The following RELA variants were observed in gnomAD, a reference collection of about 807,000 sequenced individuals.
RELA encodes RELA proto-oncogene, NF-kB subunit, also known as transcription factor p65.
A neutral mutation model predicts 56.7 loss-of-function variants in RELA; 14 were observed. The ratio of observed to expected loss-of-function variants is 0.25; its 90% CI spans 0.16 to 0.39. The LOEUF is 0.39. RELA is among the 10% of genes least tolerant of loss of function. The pLI, the probability that RELA is intolerant of heterozygous loss-of-function variation, is 1.00. For synonymous variants in RELA, 315 were observed against 289.7 expected (o/e 1.09, Z -0.89); for missense variants, 559 against 736.4 (o/e 0.76, Z 2.79).
intron 4 of RELA, chr11:65,660,476 G>C (rs990220377): frequency 1.9e-6 from 1 of 512,822 alleles, no homozygotes; most frequent in Admixed American, 3.5e-5. Flanking sequence ...TCTAAACACA[G>C]GACACTCATT....
chr11:65,658,571 C>A lies in RELA; in HGVS notation c.665-72G>T. ...ATGGTCTCCCCCTCAACTTCTGATG[C>A]TTGTCTTCTGATACATCACCCTTCG... On this transcript the variant is annotated intron_variant, in intron 7 of 10. Transcript: ENST00000406246. This position sits in a 1 kb window ranked among gnomAD's most constrained non-coding sequence, Gnocchi z 4.5. 1.4e-6 allele frequency: 2 copies of A among 1,432,490 alleles called. No individual in the cohort carries two copies. The highest frequency in any genetic ancestry group is 1.9e-6 in the Non-Finnish European group (2 of 1,032,228). The allele number at this position is 1,432,490 out of a possible 1,614,324, so 88.7% of individuals were successfully genotyped here.
intron 5 of RELA, 86 bp downstream of exon 5, chr11:65,660,037 GT>G: frequency 7.4e-7 from 1 of 1,355,498 alleles, no homozygotes; most frequent in Non-Finnish European, 1.1e-6. Context: ...CAGCTTTACT[GT>G]GTCTTGGCCA....
At position 65,661,956 on chromosome 11, in the gene RELA, TTGG is replaced by T. The variant is rs1190843434; in HGVS notation, c.164_166del (p.Thr55del). 6.2e-7 allele frequency: 1 copy of T among 1,613,846 alleles called. No homozygotes were observed. Among genetic ancestry groups the T allele is most frequent in the East Asian group, 2.2e-5 (1 of 44,884 alleles). The stretch of plus-strand genomic sequence containing the variant: ...GCTGACCTTGATGGTGGGGTGGGTC[TTGG>T]TGGTATCTGTGCTCCTCTCGCCTGG... On this transcript the variant is annotated inframe_deletion, in exon 3 of 11. Transcript: ENST00000406246.
intron 4 of RELA, chr11:65,661,411 CAA>C (rs1344071692): frequency 5.5e-6 from 2 of 361,354 alleles, no homozygotes; most frequent in Non-Finnish European, 5.0e-6. Flanking sequence ...CTTCCTCAAA[CAA>C]GAGACGTGAC....
chr11:65,661,510 A>G (rs2135570768), intron 4 of RELA, 177 bp downstream of exon 4: 1 of 571,200 alleles, frequency 1.8e-6, no homozygotes, highest in African/African-American at 1.9e-5. Flanking sequence ...CTCATCTGCT[A>G]GAGTAAACGT....
At position 65,661,744 on chromosome 11, in the gene RELA, T is replaced by C. The variant is rs1374686489; in HGVS notation, c.278A>G (p.Lys93Arg). 4.3e-6 allele frequency: 7 copies of C among 1,613,764 alleles called. No individual in the cohort carries two copies. Among genetic ancestry groups the C allele is most frequent in the Non-Finnish European group, 5.9e-6 (7 of 1,179,848 alleles). ...HRPHPHELVG[K>R]DCRDGFYEAE... ...CTCATAGAAGCCATCCCGGCAGTCC[T>C]TTCCTACAAGCTCGTGGGGGTGAGG... Residue 93 changes from lysine (K) to arginine (R), a missense_variant, in exon 4 of 11, where the codon AAG becomes AGG. By Grantham distance (26) the Lys-to-Arg change is conservative (BLOSUM62 2). Coordinates refer to ENST00000406246, the MANE Select transcript of RELA (RefSeq NM_021975.4).
Position 65,659,596 on chromosome 11 carries a change from A to G in RELA, c.559+70T>C, listed in dbSNP as rs762767854. 2.5e-6 allele frequency: 4 copies of G among 1,592,154 alleles called. No individual in the cohort carries two copies. The African/African-American group carries it at 5.4e-5, about 21-fold the overall frequency. On this transcript the variant is annotated intron_variant, in intron 6 of 10. Transcript: ENST00000406246. The stretch of plus-strand genomic sequence containing the variant: ...AGCCAGAGCGCCTCTTGCAGGCCAC[A>G]CTCACCCCAACCCCCTTCCTCCTAT...
At position 65,654,405 on chromosome 11, in the gene RELA, T is replaced by C. The variant is rs764272628; in HGVS notation, c.1629A>G (p.Ser543=). ...DFSSIADMDF[S]ALLSQISS The stretch of plus-strand genomic sequence containing the variant: ...AGGAGCTGATCTGACTCAGCAGGGC[T>C]GAGAAGTCCATGTCCGCAATGGAGG... The change falls in exon 11 of 11, where the codon TCA becomes TCG. Residue 543 remains serine, a synonymous_variant. Coordinates refer to ENST00000406246, the MANE Select transcript of RELA (RefSeq NM_021975.4). The C allele has an allele frequency of 6.2e-7, 1 of 1,612,598 alleles. No individual in the cohort carries two copies. Among genetic ancestry groups the C allele is most frequent in the South Asian group, 1.1e-5 (1 of 90,830 alleles).
rs780968051 is a variant in RELA at position 65,658,385 on chromosome 11, G to A, written c.779C>T (p.Pro260Leu). 1 of 1,613,990 alleles carries A rather than the reference G, an allele frequency of 6.2e-7. No homozygotes were observed. Among genetic ancestry groups the A allele is most frequent in the Non-Finnish European group, 8.5e-7 (1 of 1,179,968 alleles). ...IVFRTPPYAD[P>L]SLQAPVRVSM... ...GACACGCACAGGAGCCTGCAGGCTG[G>A]GGTCTGCGTAGGGAGGGGTCCGGAA... Residue 260 changes from proline to leucine, a missense_variant, in exon 8 of 11, where the codon CCC becomes CTC. Pro to Leu is a moderately conservative substitution (Grantham distance 98). This residue lies in a region of RELA where 365 missense variants were observed against 387.5 expected (regional missense o/e 0.94). Transcript: ENST00000406246. The surrounding 1 kb of genome is among the most constrained non-coding windows in gnomAD (Gnocchi z 4.5).
In RELA at chr11:65,658,207, C is replaced by CAG; in HGVS notation, c.877+78_877+79dup. The CAG allele has an allele frequency of 9.0e-7, 1 of 1,112,784 alleles. No individual in the cohort carries two copies. The highest frequency in any genetic ancestry group is 1.6e-5 in the African/African-American group (1 of 63,556). The allele number at this position is 1,112,784 out of a possible 1,614,324, so 68.9% of individuals were successfully genotyped here. Reference sequence around the variant, plus strand: ...GACTCCAGCTTCTGGCCCTCAACCACAGCCCCAGACATGCAGTCTTGGCCT... The same window carrying CAG: ...GACTCCAGCTTCTGGCCCTCAACCACAGAGCCCCAGACATGCAGTCTTGGCCT... On this transcript the variant is annotated intron_variant, in intron 8 of 10. Transcript: ENST00000406246. The surrounding 1 kb of genome is among the most constrained non-coding windows in gnomAD (Gnocchi z 4.5).
rs1424931257 is a variant in RELA at position 65,662,893 on chromosome 11, G to C, written c.-61C>G. On this transcript the variant is annotated 5_prime_UTR_variant, in exon 1 of 11. Transcript: ENST00000406246. Reference sequence around the variant, plus strand: ...TGGGCCCGCGGCGTGCACTACAGACGAGCCATTCGCCAGAGGCGGAAATGC... The same window carrying C: ...TGGGCCCGCGGCGTGCACTACAGACCAGCCATTCGCCAGAGGCGGAAATGC... The C allele has an allele frequency of 8.5e-7, 1 of 1,171,498 alleles. No individual in the cohort carries two copies. 72.6% of individuals were successfully genotyped at this position (1,171,498 alleles called of 1,614,324 possible).
chr11:65,658,610 C>T lies in RELA; in HGVS notation c.664+108G>A. 1 of 1,370,572 alleles carries T rather than the reference C, an allele frequency of 7.3e-7. No individual in the cohort carries two copies. Among genetic ancestry groups the T allele is most frequent in the Non-Finnish European group, 1.0e-6 (1 of 969,574 alleles). 84.9% of individuals were successfully genotyped at this position (1,370,572 alleles called of 1,614,324 possible). On this transcript the variant is annotated intron_variant, in intron 7 of 10. Transcript: ENST00000406246. The surrounding 1 kb of genome is among the most constrained non-coding windows in gnomAD (Gnocchi z 4.5). ...CATCACCCTTCGGCCCACCTGAGGC[C>T]CCCGAGGCACAGGAGGAAGTATCCA... is the stretch of plus-strand genomic sequence containing the variant.
intron 10 of RELA, 24 bp from the exon 11 acceptor site, chr11:65,655,024 AG>A (rs780865651): frequency 6.4e-7 from 1 of 1,564,434 alleles, no homozygotes; most frequent in Non-Finnish European, 8.7e-7. Flanking sequence ...ACAGAGAGGC[AG>A]GGGTCAGAGA....
intron 1 of RELA, 125 bp from the exon 2 acceptor site, chr11:65,662,330 C>T (rs905646576): frequency 8.6e-7 from 1 of 1,161,100 alleles, no homozygotes; most frequent in Non-Finnish European, 1.2e-6. Flanking sequence ...GACCTGCTCC[C>T]TAGAACCTGC....
intron 10 of RELA, 117 bp downstream of exon 10, chr11:65,655,570 CT>C: frequency 9.9e-7 from 1 of 1,013,352 alleles, no homozygotes; most frequent in Non-Finnish European, 1.5e-6. Context: ...CTGCGCCATC[CT>C]TTCAAAGCCT....
Position 65,654,550 on chromosome 11 carries a change from T to G in RELA, c.1484A>C (p.Glu495Ala). The G allele has an allele frequency of 1.9e-6, 3 of 1,613,214 alleles. No homozygotes were observed. The highest frequency in any genetic ancestry group is 2.5e-6 in the Non-Finnish European group (3 of 1,179,628). The change falls in exon 11 of 11, where the codon GAG (glutamate) becomes GCG (alanine). Residue 495 changes from glutamate to alanine, a missense_variant. Glu to Ala is a moderately radical substitution (Grantham distance 107). Around this residue, in one of 4 missense-constraint regions of RELA, gnomAD observed 365 missense variants for 387.5 expected, o/e 0.94. Transcript: ENST00000406246. ...TAGGCGAGTTATAGCCTCAGGGTACTCCATCAGCATGGGCTCAGTTGTGTG... is the reference window on the plus strand; with the variant it reads ...TAGGCGAGTTATAGCCTCAGGGTACGCCATCAGCATGGGCTCAGTTGTGTG... ...APHTTEPMLM[E>A]YPEAITRLVT... is the part of the protein sequence containing the mutation.
chr11:65,653,743 G>A lies in RELA; in HGVS notation c.*635C>T, dbSNP rs1214697538. 2 of 154,458 alleles carry A rather than the reference G, an allele frequency of 1.3e-5. No individual in the cohort carries two copies. The highest frequency in any genetic ancestry group is 2.9e-5 in the Non-Finnish European group (2 of 69,294). 9.6% of individuals were successfully genotyped at this position (154,458 alleles called of 1,614,324 possible). ...TCTTAACAACTTACCCTACTATTAA[G>A]GCACTTGAGAAGAGGGAGAGCAAGG... On this transcript the variant is annotated 3_prime_UTR_variant, in exon 11 of 11. Transcript: ENST00000406246.
intron 8 of RELA, among the ~76,000 whole-genome samples, chr11:65,657,567 G>T (rs1365293443): frequency 6.6e-6 from 1 of 152,302 alleles, no homozygotes; most frequent in Admixed American, 6.5e-5. Flanking sequence ...CCCTGAATAG[G>T]CCGTGCAGTT....
Position 65,658,704 on chromosome 11 carries a change from C to T in RELA, c.664+14G>A, listed in dbSNP as rs145186087. 5.2e-5 allele frequency: 84 copies of T among 1,610,552 alleles called. No individual in the cohort carries two copies. The African/African-American group carries it at 1.0e-3, about 19-fold the overall frequency. ...CTTGCTCCCAAGAGCCCACCCCTGCCTCCTGATGTATACCTTTCTGCACCT... is the reference window on the plus strand; with the variant it reads ...CTTGCTCCCAAGAGCCCACCCCTGCTTCCTGATGTATACCTTTCTGCACCT... On this transcript the variant is annotated intron_variant, in intron 7 of 10. Coordinates refer to ENST00000406246, the MANE Select transcript of RELA (RefSeq NM_021975.4). This position sits in a 1 kb window ranked among gnomAD's most constrained non-coding sequence, Gnocchi z 4.5.
Sources: gnomAD v4.1 joint callset for allele counts (sites outside exome capture counted in the v4.1 genomes callset) on GRCh38, gnomAD v4.1.1 for gene constraint, gnomAD v4.1.1 regional missense constraint, Gnocchi (gnomAD v3.1) non-coding constraint, MANE v1.5 for transcripts, NCBI Gene and HGNC (gene_info 2026-07-23, HGNC 2026-07-21) for gene names.